The following CDK14 variants were observed in gnomAD, a reference collection of about 807,000 sequenced individuals.
CDK14 encodes the protein cyclin dependent kinase 14.
CDK14 carries 34 observed loss-of-function variants against 60.7 expected under a neutral mutation model. The observed-to-expected ratio is 0.56, with a 90% confidence interval of 0.43 to 0.75. CDK14 has a LOEUF of 0.75. Among genes scored for constraint, CDK14 ranks in the 30% least tolerant of loss-of-function variants. CDK14 has a pLI of 0.00. For missense variants in CDK14, 482 were observed against 564.1 expected, an observed-to-expected ratio of 0.85 and a Z score of 1.47; for synonymous variants, 197 against 203.7, an observed-to-expected ratio of 0.97 and a Z score of 0.28.
At chr7:91,189,975 T>C (rs1257178878) in intron 14 of CDK14, among the ~76,000 whole-genome samples, 4 of 152,204 alleles carry the variant, frequency 2.6e-5, no homozygotes, top group Non-Finnish European at 4.4e-5. Context: ...TCCTCATCAC[T>C]GAATAAGGAA....
At chr7:91,039,994 G>C (rs555269088) in intron 10 of CDK14, among the ~76,000 whole-genome samples, 1 of 152,222 alleles carries the variant, frequency 6.6e-6, no homozygotes, top group South Asian at 2.1e-4. Context: ...GGCTGAGATG[G>C]GAGGATCACT....
At chr7:90,730,867 A>G (rs1802833166) in intron 3 of CDK14, among the ~76,000 whole-genome samples, 1 of 152,142 alleles carries the variant, frequency 6.6e-6, no homozygotes, top group South Asian at 2.1e-4. Flanking sequence ...ATTAGATCCC[A>G]TTTGTCAATT....
At chr7:90,780,888 C>A (rs1368220724) in intron 4 of CDK14, among the ~76,000 whole-genome samples, 1 of 151,862 alleles carries the variant, frequency 6.6e-6, no homozygotes, top group Non-Finnish European at 1.5e-5. Context: ...TTTATAGTAG[C>A]ATGATTTATA....
intron 8 of CDK14, among the ~76,000 whole-genome samples, chr7:90,933,494 A>G (rs576149740): frequency 5.6e-4 from 85 of 152,312 alleles, no homozygotes; most frequent in Non-Finnish European, 4.1e-4. Flanking sequence ...TTTCTATATA[A>G]CAGTTCGAGA....
At chr7:91,176,708 G>T (rs1485794394) in intron 14 of CDK14, among the ~76,000 whole-genome samples, 2 of 151,834 alleles carry the variant, frequency 1.3e-5, no homozygotes, top group African/African-American at 4.8e-5. Flanking sequence ...AGAAAATCTA[G>T]AAGAAATGGA....
At chr7:90,827,661 G>A (rs1000442082) in intron 5 of CDK14, among the ~76,000 whole-genome samples, 3 of 152,152 alleles carry the variant, frequency 2.0e-5, no homozygotes, top group Non-Finnish European at 1.5e-5. Context: ...CTGGAAGGAC[G>A]TTTTCTTCTT....
At chr7:90,610,108 T>C (rs1449837592) in intron 2 of CDK14, among the ~76,000 whole-genome samples, 2 of 152,180 alleles carry the variant, frequency 1.3e-5, no homozygotes, top group African/African-American at 2.4e-5. Context: ...AGATGATCCC[T>C]TCTCTGCCTG....
chr7:91,010,801 TTTCCTTCCTTCCTTCCTTCC>T (rs1253624022), intron 10 of CDK14, among the ~76,000 whole-genome samples: 3 of 86,196 alleles, frequency 3.5e-5, no homozygotes, highest in Admixed American at 1.3e-4. Context: ...TCCTTCCTTC[TTTCCTTCCTTCCTTCCTTCC>T]TTCCTTCCTT....
intron 2 of CDK14, among the ~76,000 whole-genome samples, chr7:90,677,798 C>T (rs1160347722): frequency 6.6e-6 from 1 of 152,118 alleles, no homozygotes; most frequent in Non-Finnish European, 1.5e-5. Flanking sequence ...GAATCTTATC[C>T]CTTTGTTTAA....
At chr7:90,854,680 T>C (rs759334075) in intron 5 of CDK14, among the ~76,000 whole-genome samples, 50 of 152,066 alleles carry the variant, frequency 3.3e-4, no homozygotes, top group Non-Finnish European at 5.3e-4. Flanking sequence ...TCACATACTT[T>C]GTAGTGCTCT....
intron 14 of CDK14, among the ~76,000 whole-genome samples, chr7:91,138,494 A>G (rs1170690126): frequency 6.6e-6 from 1 of 152,194 alleles, no homozygotes; most frequent in East Asian, 1.9e-4. Context: ...TGTGGTTGCC[A>G]CTGTATTGAC....
At chr7:90,917,477 G>T (rs1208790660) in intron 7 of CDK14, 124 bp from the exon 8 acceptor site, 2 of 739,066 alleles carry the variant, frequency 2.7e-6, no homozygotes, top group Non-Finnish European at 2.2e-6. Flanking sequence ...GAAATAATTT[G>T]GTAGAAAATT....
rs371496228 is a variant in CDK14 at position 90,792,012 on chromosome 7, C to T, written c.544+1360C>T. On this transcript the variant is annotated intron_variant, in intron 5 of 14. Coordinates refer to ENST00000380050, the MANE Select transcript of CDK14 (RefSeq NM_001287135.2). ...CTGTCTCCCCGGTTCAAGCAATTCT[C>T]CTGCCTCAGCCTCCTGCATAGCTGG... Among the ~76,000 whole-genome samples, 3 of 151,794 alleles carry T rather than the reference C, an allele frequency of 2.0e-5. No homozygotes were observed. The East Asian group carries it at 5.8e-4, about 29-fold the overall frequency.
At chr7:90,624,547 G>A (rs991314323) in intron 2 of CDK14, among the ~76,000 whole-genome samples, 4 of 152,202 alleles carry the variant, frequency 2.6e-5, no homozygotes, top group African/African-American at 9.6e-5. Context: ...TGTGGAGGCA[G>A]TACTGGCAGT....
intron 10 of CDK14, among the ~76,000 whole-genome samples, chr7:90,987,409 C>T (rs894055972): frequency 6.6e-6 from 1 of 151,954 alleles, no homozygotes; most frequent in Non-Finnish European, 1.5e-5. Context: ...AGTTATTTTA[C>T]ATGTCTAATG....
chr7:90,846,696 C>T (rs147788986), intron 5 of CDK14, among the ~76,000 whole-genome samples: 1,974 of 152,228 alleles, frequency 0.013, 33 homozygotes, highest in African/African-American at 0.044. Context: ...TGTGGCCAAC[C>T]GTAGGTGTCA....
intron 5 of CDK14, among the ~76,000 whole-genome samples, chr7:90,806,136 C>G (rs1443921296): frequency 2.0e-5 from 3 of 152,102 alleles, no homozygotes; most frequent in Non-Finnish European, 2.9e-5. Flanking sequence ...AATTTCAACT[C>G]AAAATTGATC....
At chr7:90,863,750 C>T (rs1276808841) in intron 6 of CDK14, among the ~76,000 whole-genome samples, 1 of 149,724 alleles carries the variant, frequency 6.7e-6, no homozygotes, top group African/African-American at 2.4e-5. Flanking sequence ...CAAAGTTTTC[C>T]CCCTCACTTG....
At chr7:91,057,589 A>G (rs1467878471) in intron 11 of CDK14, among the ~76,000 whole-genome samples, 4 of 152,140 alleles carry the variant, frequency 2.6e-5, no homozygotes, top group South Asian at 2.1e-4. Context: ...TGTATAAGGT[A>G]TAAGGAAGGG....
Sources: gnomAD v4.1 joint callset for allele counts (sites outside exome capture counted in the v4.1 genomes callset) on GRCh38, gnomAD v4.1.1 for gene constraint, MANE v1.5 for transcripts, NCBI Gene and HGNC (gene_info 2026-07-23, HGNC 2026-07-21) for gene names.